The following EBF3 variants were observed in gnomAD, a reference collection of about 807,000 sequenced individuals.
EBF3 encodes EBF transcription factor 3, also known as transcription factor COE3.
EBF3 carries 18 observed loss-of-function variants against 77.1 expected under a neutral mutation model. That is an observed-to-expected ratio of 0.23 (90% CI 0.16 to 0.35). The LOEUF (loss-of-function observed/expected upper bound fraction) is 0.35, where lower values mean the gene tolerates loss of function less well. Among genes scored for constraint, EBF3 ranks in the 10% least tolerant of loss-of-function variants. The pLI, the probability that EBF3 is intolerant of heterozygous loss-of-function variation, is 1.00. For missense variants in EBF3, 558 were observed against 860.0 expected (o/e 0.65, Z 4.39); for synonymous variants, 350 against 343.5 (o/e 1.02, Z -0.21).
At chr10:129,905,181 C>T (rs115764314) in intron 6 of EBF3, among the ~76,000 whole-genome samples, 1,793 of 152,264 alleles carry the variant, frequency 0.012, 57 homozygotes, top group African/African-American at 0.041. Context: ...CTGTCCTGAC[C>T]TTGATGGCAC....
In EBF3 at chr10:129,942,926, G is replaced by A. The variant is rs564379968; in HGVS notation, c.554+14332C>T. On this transcript the variant is annotated intron_variant, in intron 6 of 16. Coordinates refer to ENST00000440978, the MANE Select transcript of EBF3 (RefSeq NM_001375380.1). ...GTTTTGAAGCCAGTTGCCAGATCACGCGTTGACATTAATTCAGCAGACCTA... is the reference window on the plus strand; with the variant it reads ...GTTTTGAAGCCAGTTGCCAGATCACACGTTGACATTAATTCAGCAGACCTA... Among the ~76,000 whole-genome samples, 20 of 152,302 alleles carry A rather than the reference G, an allele frequency of 1.3e-4. No homozygotes were observed. In the South Asian group the frequency reaches 1.9e-3, roughly 14 times the overall value.
intron 10 of EBF3, among the ~76,000 whole-genome samples, chr10:129,851,745 A>G (rs1850898972): frequency 6.6e-6 from 1 of 152,176 alleles, no homozygotes; most frequent in African/African-American, 2.4e-5. Context: ...ATCGTTTAAG[A>G]TATGTCAGAT....
At chr10:129,953,771 G>C (rs570713042) in intron 6 of EBF3, among the ~76,000 whole-genome samples, 6 of 152,218 alleles carry the variant, frequency 3.9e-5, no homozygotes, top group African/African-American at 1.4e-4. Flanking sequence ...CAAGCAAGGA[G>C]GGGGAGAAAA....
chr10:129,957,434 C>G, intron 5 of EBF3, 108 bp from the exon 6 acceptor site: 1 of 867,032 alleles, frequency 1.2e-6, no homozygotes, highest in South Asian at 1.7e-5. Flanking sequence ...TAGGAGTCAA[C>G]TACCAAGGCA....
chr10:129,960,964 A>G (rs1419598311), intron 4 of EBF3, among the ~76,000 whole-genome samples: 1 of 152,208 alleles, frequency 6.6e-6, no homozygotes, highest in Non-Finnish European at 1.5e-5. Flanking sequence ...CTTTGTCAGA[A>G]AGACCTTAGT....
chr10:129,903,751 C>A (rs1356658613), intron 6 of EBF3, among the ~76,000 whole-genome samples: 1 of 152,190 alleles, frequency 6.6e-6, no homozygotes, highest in Non-Finnish European at 1.5e-5. Flanking sequence ...CACTTTCTTG[C>A]TGTCATGGGG....
chr10:129,922,831 AAAGGAAGGT>A (rs1272523126), intron 6 of EBF3, among the ~76,000 whole-genome samples: 1 of 152,020 alleles, frequency 6.6e-6, no homozygotes, highest in Non-Finnish European at 1.5e-5. Flanking sequence ...GGGGCTGAAG[AAAGGAAGGT>A]GGTTGGGGCT....
At chr10:129,956,344 AC>A (rs1219415585) in intron 6 of EBF3, among the ~76,000 whole-genome samples, 5 of 152,338 alleles carry the variant, frequency 3.3e-5, no homozygotes, top group African/African-American at 9.6e-5. Flanking sequence ...TGTCATATGT[AC>A]ACGTCTAACA....
chr10:129,954,412 T>TC (rs543249584), intron 6 of EBF3, among the ~76,000 whole-genome samples: 3,962 of 142,320 alleles, frequency 0.028, 74 homozygotes, highest in Non-Finnish European at 0.031. Flanking sequence ...CAGCCTCACT[T>TC]CCCCCCCCCC....
At chr10:129,905,085 C>G (rs1855047959) in intron 6 of EBF3, among the ~76,000 whole-genome samples, 1 of 152,244 alleles carries the variant, frequency 6.6e-6, no homozygotes, top group African/African-American at 2.4e-5. Flanking sequence ...TGAGGTGACT[C>G]TGGACCCCAG....
intron 6 of EBF3, among the ~76,000 whole-genome samples, chr10:129,908,953 T>G (rs1409441077): frequency 6.6e-6 from 1 of 152,204 alleles, no homozygotes; most frequent in South Asian, 2.1e-4. Context: ...ATACTAAAAG[T>G]ATTCTTTTAA....
In EBF3 at chr10:129,963,330, A is replaced by T; in HGVS notation, c.291+37T>A. 1 of 1,555,386 alleles carries T rather than the reference A, an allele frequency of 6.4e-7. No individual in the cohort carries two copies. Among genetic ancestry groups the T allele is most frequent in the Non-Finnish European group, 8.7e-7 (1 of 1,153,178 alleles). ...CCGGCACCGCCTGCCTCCCGCTTCT[A>T]GAAAGAGAGAGGGTGTGATCGTGTG... is the stretch of plus-strand genomic sequence containing the variant. On this transcript the variant is annotated intron_variant, in intron 2 of 16. Coordinates refer to ENST00000440978, the MANE Select transcript of EBF3 (RefSeq NM_001375380.1). This position sits in a 1 kb window ranked among gnomAD's most constrained non-coding sequence, Gnocchi z 7.1.
chr10:129,928,421 T>C (rs1348526961), intron 6 of EBF3, among the ~76,000 whole-genome samples: 1 of 152,180 alleles, frequency 6.6e-6, no homozygotes, highest in African/African-American at 2.4e-5. Context: ...TTTGCCTAAT[T>C]TTACGTGGTA....
At chr10:129,929,501 C>T (rs1856870065) in intron 6 of EBF3, among the ~76,000 whole-genome samples, 1 of 152,298 alleles carries the variant, frequency 6.6e-6, no homozygotes, top group Non-Finnish European at 1.5e-5. Flanking sequence ...CCACCATGCC[C>T]GGCCAGGAGG....
Position 129,837,975 on chromosome 10 carries a change from G to A in EBF3, c.1873-15C>T. ...CCCAGACATAGCTGCAAGACAGAAGGACAGAGCAGTTACTGCAGGCTCCCC... is the reference window on the plus strand; with the variant it reads ...CCCAGACATAGCTGCAAGACAGAAGAACAGAGCAGTTACTGCAGGCTCCCC... On this transcript the variant is annotated splice_polypyrimidine_tract_variant and intron_variant, in intron 16 of 16. Transcript: ENST00000440978. 1 of 1,614,022 alleles carries A rather than the reference G, an allele frequency of 6.2e-7. No individual in the cohort carries two copies. Among genetic ancestry groups the A allele is most frequent in the South Asian group, 1.1e-5 (1 of 91,082 alleles).
chr10:129,890,918 T>G (rs1853977450), intron 6 of EBF3, among the ~76,000 whole-genome samples: 1 of 152,210 alleles, frequency 6.6e-6, no homozygotes, highest in African/African-American at 2.4e-5. Context: ...TCAATCTGCA[T>G]GGAGAAAGAT....
chr10:129,922,729 C>T (rs1443707966), intron 6 of EBF3, among the ~76,000 whole-genome samples: 2 of 152,236 alleles, frequency 1.3e-5, no homozygotes, highest in African/African-American at 2.4e-5. Flanking sequence ...CTGTGAACCC[C>T]GACTGCAGCC....
In EBF3 at chr10:129,962,078, C is replaced by T. The variant is rs529588692; in HGVS notation, c.411+93G>A. 1.8e-3 allele frequency: 2,086 copies of T among 1,191,718 alleles called. 4 individuals carry two copies. The highest frequency in any genetic ancestry group is 2.3e-3 in the Non-Finnish European group (1,874 of 807,750). The allele number at this position is 1,191,718 out of a possible 1,614,324, so 73.8% of individuals were successfully genotyped here. A position where few individuals can be genotyped will look rare whatever the true frequency, so the allele number is the denominator to read the frequency against. On this transcript the variant is annotated intron_variant, in intron 4 of 16. Transcript: ENST00000440978. ...AAGGAAACTCAATGGAAAACAAATA[C>T]ACGAGATCCATTTGTCAGTGCCCTT...
At chr10:129,856,553 T>C (rs1851265619) in intron 10 of EBF3, among the ~76,000 whole-genome samples, 1 of 151,998 alleles carries the variant, frequency 6.6e-6, no homozygotes, top group Admixed American at 6.6e-5. Flanking sequence ...AGGAGGTAGA[T>C]TCATGGTTGC....
Sources: allele counts gnomAD v4.1 joint callset (sites outside exome capture counted in the v4.1 genomes callset), GRCh38; gene constraint gnomAD v4.1.1; non-coding constraint Gnocchi (gnomAD v3.1); transcripts MANE v1.5; gene names NCBI Gene and HGNC (gene_info 2026-07-23, HGNC 2026-07-21).